The following ASTN2 variants were observed in gnomAD, a reference collection of about 807,000 sequenced individuals.
ASTN2 encodes astrotactin-2.
In ASTN2, 54 loss-of-function variants were observed where a neutral mutation model predicts 139.8. The ratio of observed to expected loss-of-function variants is 0.39; its 90% CI spans 0.31 to 0.48. The LOEUF is 0.48. ASTN2 is among the 20% of genes least tolerant of loss of function. The probability of loss-of-function intolerance (pLI) is 0.95; values close to 1 mark genes in which losing one functional copy is unlikely to be tolerated. For synonymous variants in ASTN2, 756 were observed against 719.5 expected (o/e 1.05, Z -0.81); for missense variants, 1,565 against 1,725.1 (o/e 0.91, Z 1.64).
At chr9:116,679,723 T>C (rs1049769451) in intron 16 of ASTN2, among the ~76,000 whole-genome samples, 5 of 152,106 alleles carry the variant, frequency 3.3e-5, no homozygotes, top group Admixed American at 6.6e-5. Context: ...AGAAACTCAC[T>C]CAAAACCGCT....
intron 13 of ASTN2, among the ~76,000 whole-genome samples, chr9:116,801,370 C>T (rs965126278): frequency 1.3e-5 from 2 of 151,610 alleles, no homozygotes; most frequent in Non-Finnish European, 2.9e-5. Flanking sequence ...ATCGCGAGGT[C>T]AGGAGTTTGA....
chr9:117,401,672 C>T (rs1830829503), intron 1 of ASTN2, among the ~76,000 whole-genome samples: 1 of 152,136 alleles, frequency 6.6e-6, no homozygotes, highest in African/African-American at 2.4e-5. Flanking sequence ...TAGACACTCT[C>T]TATTGCCACT....
intron 1 of ASTN2, among the ~76,000 whole-genome samples, chr9:117,396,232 CCT>C (rs1245254673): frequency 6.6e-5 from 10 of 152,158 alleles, no homozygotes; most frequent in African/African-American, 2.4e-4. Context: ...TGACTTAATG[CCT>C]CTGTCAACCT....
At chr9:117,384,170 T>C (rs756071389) in intron 1 of ASTN2, among the ~76,000 whole-genome samples, 22 of 152,150 alleles carry the variant, frequency 1.4e-4, no homozygotes, top group South Asian at 1.2e-3. Flanking sequence ...CCTTGGAAGG[T>C]GAGCAGGCAG....
chr9:116,968,375 C>A (rs1836079524), intron 10 of ASTN2, among the ~76,000 whole-genome samples: 1 of 152,154 alleles, frequency 6.6e-6, no homozygotes, highest in South Asian at 2.1e-4. Flanking sequence ...ATTCCAGTAT[C>A]TGGAGCAGTC....
chr9:117,181,105 A>C, intron 3 of ASTN2: 1 of 964,588 alleles, frequency 1.0e-6, no homozygotes, highest in Non-Finnish European at 1.7e-6. Flanking sequence ...CATACAACAA[A>C]CAGGCTGCAT....
chr9:116,812,340 G>A (rs895256804), intron 12 of ASTN2, among the ~76,000 whole-genome samples: 2 of 152,182 alleles, frequency 1.3e-5, no homozygotes, highest in African/African-American at 4.8e-5. Context: ...TGATCTCAAT[G>A]TCATCACATG....
intron 4 of ASTN2, among the ~76,000 whole-genome samples, chr9:117,137,180 G>T (rs567959931): frequency 6.6e-6 from 1 of 152,100 alleles, no homozygotes; most frequent in Admixed American, 6.5e-5. Flanking sequence ...TCCTTCCTCT[G>T]TCTGGCTAAG....
At chr9:117,060,805 G>C (rs1839267596) in intron 5 of ASTN2, among the ~76,000 whole-genome samples, 1 of 152,014 alleles carries the variant, frequency 6.6e-6, no homozygotes, top group Non-Finnish European at 1.5e-5. Context: ...TGAGGCAGAA[G>C]AATAGCATGA....
chr9:116,532,450 G>A (rs981566089), intron 19 of ASTN2, among the ~76,000 whole-genome samples: 5 of 152,170 alleles, frequency 3.3e-5, no homozygotes, highest in Non-Finnish European at 7.3e-5. Flanking sequence ...CCTATGTCCT[G>A]AATGGTATTG....
intron 17 of ASTN2, among the ~76,000 whole-genome samples, chr9:116,626,271 G>A (rs889952630): frequency 2.8e-5 from 4 of 141,990 alleles, no homozygotes; most frequent in African/African-American, 1.1e-4. Flanking sequence ...CTCTCAAAGT[G>A]CTGGGATTAT....
intron 10 of ASTN2, among the ~76,000 whole-genome samples, chr9:116,914,815 C>T (rs1376697802): frequency 6.6e-6 from 1 of 152,052 alleles, no homozygotes; most frequent in African/African-American, 2.4e-5. Context: ...TAATTTAATC[C>T]CTCCCACTGC....
At chr9:116,563,665 C>T (rs1054381858) in intron 19 of ASTN2, among the ~76,000 whole-genome samples, 4 of 152,096 alleles carry the variant, frequency 2.6e-5, no homozygotes, top group African/African-American at 9.7e-5. Flanking sequence ...GCATAGTTGT[C>T]TTTTTTTCTG....
intron 1 of ASTN2, among the ~76,000 whole-genome samples, chr9:117,380,900 T>C (rs866917855): frequency 2.6e-5 from 4 of 152,198 alleles, no homozygotes; most frequent in African/African-American, 4.8e-5. Flanking sequence ...GTTCCATTCT[T>C]AGGTATATAC....
chr9:117,389,603 T>C (rs550193975), intron 1 of ASTN2, among the ~76,000 whole-genome samples: 3 of 152,174 alleles, frequency 2.0e-5, no homozygotes, highest in African/African-American at 7.2e-5. Flanking sequence ...CTACTCAGAC[T>C]TGACACTATG....
At chr9:117,314,954 A>G (rs1828096782) in intron 1 of ASTN2, among the ~76,000 whole-genome samples, 1 of 73,564 alleles carries the variant, frequency 1.4e-5, no homozygotes, top group Non-Finnish European at 3.8e-5. Flanking sequence ...TAATATACAC[A>G]TAACATAATA....
chr9:116,577,007 G>A (rs1853750748), intron 19 of ASTN2, among the ~76,000 whole-genome samples: 1 of 152,206 alleles, frequency 6.6e-6, no homozygotes, highest in Admixed American at 6.5e-5. Flanking sequence ...CAGGAGCTCT[G>A]CTAAGGACTT....
chr9:116,845,347 C>T lies in ASTN2; in HGVS notation c.2040+18236G>A, dbSNP rs189499297. Among the ~76,000 whole-genome samples the T allele has an allele frequency of 2.4e-3, 372 of 152,246 alleles. 7 individuals carry two copies. The highest frequency in any genetic ancestry group is 0.023 in the Admixed American group (347 of 15,292). ...TGTTAACCAGGATGGTCTCGGTCTC[C>T]TGACCTCGTGATCCGCCCGCCTCGG... On this transcript the variant is annotated intron_variant, in intron 11 of 22. Transcript: ENST00000313400.
rs10983460 is a variant in ASTN2, at chr9:117,018,925, T to C, written c.1424-10666A>G. On this transcript the variant is annotated intron_variant, in intron 6 of 22. Transcript: ENST00000313400. ...TAAAAGAGGTTAACTGTACATGTCC[T>C]AAATTGCACAGCTAGGAAACTGATG... 7.6e-4 allele frequency among the ~76,000 whole-genome samples: 116 copies of C among 152,272 alleles called. No homozygotes were observed. In the East Asian group the frequency reaches 0.021, roughly 28 times the overall value.
Sources: gnomAD v4.1 joint callset for allele counts (sites outside exome capture counted in the v4.1 genomes callset) on GRCh38, gnomAD v4.1.1 for gene constraint, MANE v1.5 for transcripts, NCBI Gene and HGNC (gene_info 2026-07-23, HGNC 2026-07-21) for gene names.